Variants in NEURL1B observed in about 807,000 individuals in gnomAD.
The protein encoded by NEURL1B is E3 ubiquitin-protein ligase NEURL1B.
A neutral mutation model predicts 37.4 loss-of-function variants in NEURL1B; 13 were observed. The observed-to-expected ratio is 0.35, with a 90% CI of 0.23 to 0.55. The LOEUF is 0.55. Ranked by LOEUF, NEURL1B falls within the 20% of genes least tolerant of loss-of-function variation. The pLI, the probability that NEURL1B is intolerant of heterozygous loss-of-function variation, is 0.89. For missense variants in NEURL1B, 790 were observed against 879.2 expected (o/e 0.90, Z 1.28); for synonymous variants, 432 against 426.6 (o/e 1.01, Z -0.16).
At chr5:172,677,951 G>A (rs186649655) in intron 2 of NEURL1B, among the ~76,000 whole-genome samples, 49 of 152,172 alleles carry the variant, frequency 3.2e-4, no homozygotes, top group Middle Eastern at 3.4e-3. Context: ...GCCCTGAGGC[G>A]TGAGTCCCTG....
rs1210980220 is a variant in NEURL1B at position 172,675,350 on chromosome 5, AC to A, written c.577+5022del. Among the ~76,000 whole-genome samples, 3 of 151,960 alleles carry A rather than the reference AC, an allele frequency of 2.0e-5. No individual in the cohort carries two copies. Among genetic ancestry groups the A allele is most frequent in the Admixed American group, 6.6e-5 (1 of 15,266 alleles). On this transcript the variant is annotated intron_variant, in intron 2 of 4. Transcript: ENST00000369800. This position sits in a 1 kb window ranked among gnomAD's most constrained non-coding sequence, Gnocchi z 4.7. ...TCGTGGCTCCTGCCCATTGATGGAC[AC>A]CTGGATTACGACCAATCCCCCAAGC...
intron 1 of NEURL1B, among the ~76,000 whole-genome samples, chr5:172,654,647 AGTT>A (rs1161831215): frequency 6.7e-6 from 1 of 149,092 alleles, no homozygotes; most frequent in Non-Finnish European, 1.5e-5. Context: ...TTCCTCTAAA[AGTT>A]ATTTTTCTAC....
rs546372848 is a variant in NEURL1B at position 172,647,140 on chromosome 5, T to G, written c.31+5703T>G. Among the ~76,000 whole-genome samples the G allele has an allele frequency of 6.6e-6, 1 of 152,296 alleles. No individual in the cohort carries two copies. Among genetic ancestry groups the G allele is most frequent in the South Asian group, 2.1e-4 (1 of 4,830 alleles). Reference sequence around the variant, plus strand: ...ATCTCCCCCATGGAGAAGAGTCAGCTCTGCCTCTCTTTTGGACCAAAGGGC... The same window carrying G: ...ATCTCCCCCATGGAGAAGAGTCAGCGCTGCCTCTCTTTTGGACCAAAGGGC... On this transcript the variant is annotated intron_variant, in intron 1 of 4. Transcript: ENST00000369800. The surrounding 1 kb of genome is among the most constrained non-coding windows in gnomAD (Gnocchi z 4.2).
In NEURL1B at chr5:172,675,721, G is replaced by A. The variant is rs898692839; in HGVS notation, c.577+5391G>A. Among the ~76,000 whole-genome samples the A allele has an allele frequency of 2.0e-5, 3 of 152,032 alleles. No individual in the cohort carries two copies. The highest frequency in any genetic ancestry group is 2.1e-4 in the South Asian group (1 of 4,822). On this transcript the variant is annotated intron_variant, in intron 2 of 4. Transcript: ENST00000369800. The surrounding 1 kb of genome is among the most constrained non-coding windows in gnomAD (Gnocchi z 4.7). ...ACCAGAAGCATTTCAGATTTTAGAC[G>A]TTTTTGGATTTTGGAATATTTGTAT... is the stretch of plus-strand genomic sequence containing the variant.
chr5:172,670,958 G>A (rs925812276), intron 2 of NEURL1B, among the ~76,000 whole-genome samples: 2 of 152,236 alleles, frequency 1.3e-5, no homozygotes, highest in African/African-American at 4.8e-5. Flanking sequence ...TTCTCACGGA[G>A]GAGGCAGCGG....
rs535608399 is a variant in NEURL1B at position 172,661,765 on chromosome 5, C to G, written c.32-8020C>G. 1.3e-5 allele frequency among the ~76,000 whole-genome samples: 2 copies of G among 152,254 alleles called. No homozygotes were observed. The highest frequency in any genetic ancestry group is 2.9e-5 in the Non-Finnish European group (2 of 68,042). On this transcript the variant is annotated intron_variant, in intron 1 of 4. Transcript: ENST00000369800. The surrounding 1 kb of genome is among the most constrained non-coding windows in gnomAD (Gnocchi z 4.0). ...AGCCGGCGTCTCGGGGCCAGAGTAT[C>G]GGGAGCTGTTGCTTCCTGCCATCCT...
intron 1 of NEURL1B, among the ~76,000 whole-genome samples, chr5:172,650,220 G>A (rs1757636509): frequency 6.6e-6 from 1 of 152,160 alleles, no homozygotes; most frequent in African/African-American, 2.4e-5. Context: ...GGTCTGCCTG[G>A]TAACTTTCCA....
chr5:172,666,300 A>C (rs113320527), intron 1 of NEURL1B, among the ~76,000 whole-genome samples: 2,037 of 152,190 alleles, frequency 0.013, 43 homozygotes, highest in African/African-American at 0.046. Context: ...AAGTGACTGA[A>C]CTCTCTGAAA....
Position 172,683,379 on chromosome 5 carries a change from C to T in NEURL1B, c.578-40C>T, listed in dbSNP as rs1263027491. 5 of 1,280,710 alleles carry T rather than the reference C, an allele frequency of 3.9e-6. No homozygotes were observed. The East Asian group carries it at 1.6e-4, about 41-fold the overall frequency. 79.3% of individuals were successfully genotyped at this position (1,280,710 alleles called of 1,614,324 possible). On this transcript the variant is annotated intron_variant, in intron 2 of 4. Coordinates refer to ENST00000369800, the MANE Select transcript of NEURL1B (RefSeq NM_001142651.3). This position sits in a 1 kb window ranked among gnomAD's most constrained non-coding sequence, Gnocchi z 5.6. Reference sequence around the variant, plus strand: ...AGGGGCTCGCGACCAGCCTGACGCGCGGCCTCTCCCCCTCCATGTCCCTCC... The same window carrying T: ...AGGGGCTCGCGACCAGCCTGACGCGTGGCCTCTCCCCCTCCATGTCCCTCC...
Position 172,641,315 on chromosome 5 carries a change from G to C in NEURL1B, c.-92G>C, listed in dbSNP as rs1035451738. Reference sequence around the variant, plus strand: ...GCCCGTGCAGCTGCGATGCCCCGGAGCGTCGACCCCGGTCCTGGTCCCTGG... The same window carrying C: ...GCCCGTGCAGCTGCGATGCCCCGGACCGTCGACCCCGGTCCTGGTCCCTGG... On this transcript the variant is annotated 5_prime_UTR_variant, in exon 1 of 5. Coordinates refer to ENST00000369800, the MANE Select transcript of NEURL1B (RefSeq NM_001142651.3). This position sits in a 1 kb window ranked among gnomAD's most constrained non-coding sequence, Gnocchi z 6.4. 1.1e-5 allele frequency: 12 copies of C among 1,135,116 alleles called. No homozygotes were observed. In the African/African-American group the frequency reaches 1.6e-4, roughly 15 times the overall value. 70.3% of individuals were successfully genotyped at this position (1,135,116 alleles called of 1,614,324 possible). A position where few individuals can be genotyped will look rare whatever the true frequency, so the allele number is the denominator to read the frequency against.
intron 2 of NEURL1B, among the ~76,000 whole-genome samples, chr5:172,677,623 T>G (rs1398347057): frequency 1.3e-5 from 2 of 152,210 alleles, no homozygotes. Flanking sequence ...GTTTGCCATC[T>G]TTTTTCCTAG....
chr5:172,680,932 T>C (rs1024052961), intron 2 of NEURL1B, among the ~76,000 whole-genome samples: 6 of 152,218 alleles, frequency 3.9e-5, no homozygotes, highest in African/African-American at 7.2e-5. Flanking sequence ...ACTGGATAAT[T>C]TGTAAAAGAA....
rs1416779353 is a variant in NEURL1B, at chr5:172,657,582, T to C, written c.32-12203T>C. 6.6e-6 allele frequency among the ~76,000 whole-genome samples: 1 copy of C among 152,188 alleles called. No individual in the cohort carries two copies. The highest frequency in any genetic ancestry group is 1.5e-5 in the Non-Finnish European group (1 of 68,028). ...TGAAGGGACATTGGGAGAAGTGACC[T>C]AGAAGGCAAGAGGTGAGTCTTCTGT... On this transcript the variant is annotated intron_variant, in intron 1 of 4. Coordinates refer to ENST00000369800, the MANE Select transcript of NEURL1B (RefSeq NM_001142651.3). This position sits in a 1 kb window ranked among gnomAD's most constrained non-coding sequence, Gnocchi z 4.0.
In NEURL1B at chr5:172,686,741, C is replaced by T. The variant is rs1330973553; in HGVS notation, c.1484C>T (p.Pro495Leu). Residue 495 changes from proline (P) to leucine (L), a missense_variant, in exon 5 of 5, where the codon CCG (proline) becomes CTG (leucine). Physicochemically the swap from Pro to Leu is moderately conservative, Grantham distance 98. Coordinates refer to ENST00000369800, the MANE Select transcript of NEURL1B (RefSeq NM_001142651.3). This position sits in a 1 kb window ranked among gnomAD's most constrained non-coding sequence, Gnocchi z 7.9. ...TCCCCCGTGTTCTCCCCACCGGAGCCGGCAGGCATCAAGAATGGCGAGTGC... is the reference window on the plus strand; with the variant it reads ...TCCCCCGTGTTCTCCCCACCGGAGCTGGCAGGCATCAAGAATGGCGAGTGC... The part of the protein sequence containing the change: ...PVSPVFSPPE[P>L]AGIKNGECTV... 10 of 1,551,408 alleles carry T rather than the reference C, an allele frequency of 6.4e-6. No individual in the cohort carries two copies. In the East Asian group the frequency reaches 9.8e-5, roughly 15 times the overall value.
At chr5:172,678,313 A>G (rs1001752881) in intron 2 of NEURL1B, among the ~76,000 whole-genome samples, 1 of 152,216 alleles carries the variant, frequency 6.6e-6, no homozygotes, top group Non-Finnish European at 1.5e-5. Context: ...TCTCCAAGTT[A>G]TCTGAGCCCA....
Position 172,683,416 on chromosome 5 carries a change from C to A in NEURL1B, c.578-3C>A. 1.5e-6 allele frequency: 2 copies of A among 1,352,862 alleles called. No individual in the cohort carries two copies. The highest frequency in any genetic ancestry group is 1.9e-6 in the Non-Finnish European group (2 of 1,046,374). 83.8% of individuals were successfully genotyped at this position (1,352,862 alleles called of 1,614,324 possible). ...CTCCATGTCCCTCCCTTTGTCCGCA[C>A]AGAGAGCGCCTTCGCTGACACGCTG... is the stretch of plus-strand genomic sequence containing the variant. On this transcript the variant is annotated splice_region_variant and splice_polypyrimidine_tract_variant and intron_variant, in intron 2 of 4. Transcript: ENST00000369800. The surrounding 1 kb of genome is among the most constrained non-coding windows in gnomAD (Gnocchi z 5.6).
chr5:172,645,117 T>C (rs1757536690), intron 1 of NEURL1B, among the ~76,000 whole-genome samples: 1 of 152,188 alleles, frequency 6.6e-6, no homozygotes, highest in Admixed American at 6.5e-5. Context: ...TCCCGCTCTA[T>C]ATCAAGCCCT....
intron 1 of NEURL1B, among the ~76,000 whole-genome samples, chr5:172,663,061 A>G (rs551280870): frequency 1.6e-4 from 24 of 151,702 alleles, no homozygotes; most frequent in South Asian, 1.5e-3. Flanking sequence ...TACAAATAAT[A>G]ATAATAGCCG....
rs1758089808 is a variant in NEURL1B, at chr5:172,669,986, T to C, written c.233T>C (p.Leu78Pro). 2 of 1,467,770 alleles carry C rather than the reference T, an allele frequency of 1.4e-6. No homozygotes were observed. The highest frequency in any genetic ancestry group is 2.7e-5 in the East Asian group (1 of 36,656). 90.9% of individuals were successfully genotyped at this position (1,467,770 alleles called of 1,614,324 possible). A position where few individuals can be genotyped will look rare whatever the true frequency, so the allele number is the denominator to read the frequency against. The change falls in exon 2 of 5, where the codon CTG (leucine) becomes CCG (proline). Residue 78 changes from leucine to proline, a missense_variant. Physicochemically the swap from Leu to Pro is moderately conservative, Grantham distance 98. Coordinates refer to ENST00000369800, the MANE Select transcript of NEURL1B (RefSeq NM_001142651.3). ...ACGTTCACGCAGCGGCCCATCCGGC[T>C]GTACGAGCAGGTGCGGCTGCGCCTG... ...GVTFTQRPIR[L>P]YEQVRLRLVA... is the part of the protein sequence containing the mutation.
Sources: gnomAD v4.1 joint callset for allele counts (sites outside exome capture counted in the v4.1 genomes callset) on GRCh38, gnomAD v4.1.1 for gene constraint, Gnocchi (gnomAD v3.1) non-coding constraint, MANE v1.5 for transcripts, NCBI Gene and HGNC (gene_info 2026-07-23, HGNC 2026-07-21) for gene names.